Variants in DACH2 observed in about 807,000 individuals in gnomAD.
DACH2 encodes dachshund homolog 2.
DACH2 carries 17 observed loss-of-function variants against 35.8 expected under a neutral mutation model. That is an observed-to-expected ratio of 0.48 (90% confidence interval 0.33 to 0.71). The LOEUF (loss-of-function observed/expected upper bound fraction) is 0.71. Ranked by LOEUF, DACH2 falls within the 30% of genes least tolerant of loss-of-function variation. The pLI is 0.02. For missense variants in DACH2, 469 were observed against 472.7 expected (o/e 0.99, Z 0.07); for synonymous variants, 195 against 177.3 (o/e 1.10, Z -0.79).
At chrX:86,599,458 C>CT (rs2039758362) in intron 3 of DACH2, among the ~76,000 whole-genome samples, 1 of 87,724 alleles carries the variant, frequency 1.1e-5, no homozygotes, top group African/African-American at 4.1e-5. Flanking sequence ...CCCTTCCTTC[C>CT]TTCCTTCTTT....
chrX:86,233,993 C>A (rs911694582), intron 1 of DACH2, among the ~76,000 whole-genome samples: 1 of 111,881 alleles, frequency 8.9e-6, no homozygotes, highest in African/African-American at 3.3e-5. Context: ...AGAGCCAAAC[C>A]ATATCAGAGA....
intron 9 of DACH2, among the ~76,000 whole-genome samples, chrX:86,813,598 CA>C (rs2042417551): frequency 9.5e-6 from 1 of 105,129 alleles, no homozygotes; most frequent in Non-Finnish European, 1.9e-5. Flanking sequence ...GGCGACAGAG[CA>C]AGACTCCATC....
chrX:86,318,364 A>T (rs1187088315), intron 1 of DACH2, among the ~76,000 whole-genome samples: 1 of 111,386 alleles, frequency 9.0e-6, no homozygotes. Context: ...GTTATCAGAA[A>T]CCTGCATTTA....
At chrX:86,741,107 G>A (rs750161082) in intron 7 of DACH2, among the ~76,000 whole-genome samples, 2 of 111,512 alleles carry the variant, frequency 1.8e-5, no homozygotes, top group South Asian at 7.6e-4. Context: ...AGTTCTTTAA[G>A]TGAACTCTGA....
At chrX:86,377,120 A>G (rs1382693486) in intron 2 of DACH2, among the ~76,000 whole-genome samples, 4 of 111,533 alleles carry the variant, frequency 3.6e-5, no homozygotes, top group Non-Finnish European at 7.6e-5. Context: ...GAAAGGCTGC[A>G]AGGTTGGTTG....
chrX:86,299,345 C>T (rs1602377584), intron 1 of DACH2, among the ~76,000 whole-genome samples: 1 of 111,307 alleles, frequency 9.0e-6, no homozygotes, highest in Admixed American at 9.6e-5. Context: ...TTTTCCATGC[C>T]CCCAATGAGG....
intron 1 of DACH2, among the ~76,000 whole-genome samples, chrX:86,321,823 C>T (rs1450670043): frequency 8.9e-6 from 1 of 112,236 alleles, no homozygotes; most frequent in African/African-American, 3.2e-5. Context: ...ATATATTTAT[C>T]AGGGTCATCA....
At chrX:86,655,291 G>T (rs753276431) in intron 4 of DACH2, among the ~76,000 whole-genome samples, 1 of 112,031 alleles carries the variant, frequency 8.9e-6, no homozygotes, top group East Asian at 2.8e-4. Context: ...ATCTAATCAG[G>T]CAAAAGAAAA....
At chrX:86,792,496 C>T (rs1366707924) in intron 7 of DACH2, among the ~76,000 whole-genome samples, 1 of 111,122 alleles carries the variant, frequency 9.0e-6, no homozygotes, top group Non-Finnish European at 1.9e-5. Flanking sequence ...TATGATTGTA[C>T]CCATTAACTA....
intron 2 of DACH2, among the ~76,000 whole-genome samples, chrX:86,439,783 G>A (rs1376748012): frequency 9.0e-6 from 1 of 110,940 alleles, no homozygotes; most frequent in Non-Finnish European, 1.9e-5. Flanking sequence ...CTTCTAAGCA[G>A]TTTTTTCTGC....
At chrX:86,303,728 C>CTA (rs35224476) in intron 1 of DACH2, among the ~76,000 whole-genome samples, 14,678 of 105,761 alleles carry the variant, frequency 0.14, 979 homozygotes, top group South Asian at 0.26. Context: ...TGTGAACATA[C>CTA]TATATATATA....
intron 3 of DACH2, among the ~76,000 whole-genome samples, chrX:86,634,624 G>A (rs1260789928): frequency 9.0e-6 from 1 of 111,409 alleles, no homozygotes; most frequent in Non-Finnish European, 1.9e-5. Flanking sequence ...ATCAAGGTAT[G>A]AAAATCAGTG....
At chrX:86,751,387 A>G (rs1393596547) in intron 7 of DACH2, among the ~76,000 whole-genome samples, 1 of 111,235 alleles carries the variant, frequency 9.0e-6, no homozygotes, top group East Asian at 2.8e-4. Flanking sequence ...ATGATTTGCT[A>G]AGTGAGACTA....
At chrX:86,522,355 TATTA>T (rs1341246476) in intron 3 of DACH2, among the ~76,000 whole-genome samples, 3 of 111,561 alleles carry the variant, frequency 2.7e-5, no homozygotes, top group Non-Finnish European at 3.8e-5. Context: ...GTAATCAACA[TATTA>T]ATTAATACTA....
chrX:86,422,193 G>A (rs1180490318), intron 2 of DACH2, among the ~76,000 whole-genome samples: 2 of 110,782 alleles, frequency 1.8e-5, no homozygotes, highest in Non-Finnish European at 3.8e-5. Context: ...CATATATAGT[G>A]TGCATGATGA....
chrX:86,719,766 T>G (rs1359993920), intron 6 of DACH2, among the ~76,000 whole-genome samples: 2 of 109,661 alleles, frequency 1.8e-5, no homozygotes, highest in Non-Finnish European at 3.8e-5. Context: ...ACCTGGTCTT[T>G]TCCTTGACAT....
intron 5 of DACH2, among the ~76,000 whole-genome samples, chrX:86,713,746 G>A (rs945426515): frequency 6.3e-5 from 7 of 111,463 alleles, no homozygotes; most frequent in Non-Finnish European, 1.3e-4. Flanking sequence ...CCTATTAAGG[G>A]ATAAGTAGAC....
At chrX:86,728,823 A>T (rs2041500103) in intron 6 of DACH2, among the ~76,000 whole-genome samples, 1 of 113,088 alleles carries the variant, frequency 8.8e-6, no homozygotes, top group Non-Finnish European at 1.9e-5. Flanking sequence ...AGTGAATGAG[A>T]CTTAGCAGCC....
At chrX:86,236,632 C>T (rs1052429134) in intron 1 of DACH2, among the ~76,000 whole-genome samples, 16 of 111,836 alleles carry the variant, frequency 1.4e-4, no homozygotes, top group African/African-American at 4.9e-4. Context: ...TAGACAATTG[C>T]AACACTATGC....
Sources: gnomAD v4.1 joint callset for allele counts (sites outside exome capture counted in the v4.1 genomes callset) on GRCh38, gnomAD v4.1.1 for gene constraint, MANE v1.5 for transcripts, NCBI Gene and HGNC (gene_info 2026-07-23, HGNC 2026-07-21) for gene names.